The following ANAPC7 variants were observed in gnomAD, a reference collection of about 807,000 sequenced individuals.
ANAPC7 encodes anaphase-promoting complex subunit 7.
In ANAPC7, 25 loss-of-function variants were observed where a neutral mutation model predicts 63.3. That is an observed-to-expected ratio of 0.39 (90% CI 0.29 to 0.55). The LOEUF (loss-of-function observed/expected upper bound fraction) is 0.55, where lower values mean the gene tolerates loss of function less well. Ranked by LOEUF, ANAPC7 falls within the 20% of genes least tolerant of loss-of-function variation. ANAPC7 has a pLI of 0.57. For synonymous variants in ANAPC7, 241 were observed against 251.7 expected, an observed-to-expected ratio of 0.96 and a Z score of 0.40; for missense variants, 516 against 691.7, an observed-to-expected ratio of 0.75 and a Z score of 2.85.
intron 1 of ANAPC7, among the ~76,000 whole-genome samples, chr12:110,396,823 C>T (rs2062146615): frequency 6.6e-6 from 1 of 151,880 alleles, no homozygotes; most frequent in Admixed American, 6.6e-5. Flanking sequence ...CCACCAGGCC[C>T]TTTTAACAGT....
intron 3 of ANAPC7, among the ~76,000 whole-genome samples, chr12:110,389,040 C>T (rs1438612865): frequency 1.3e-5 from 2 of 149,622 alleles, no homozygotes; most frequent in African/African-American, 4.9e-5. Context: ...CGACATCACG[C>T]CACTGCACTC....
At chr12:110,390,557 C>T (rs1033742735) in intron 3 of ANAPC7, among the ~76,000 whole-genome samples, 1 of 152,010 alleles carries the variant, frequency 6.6e-6, no homozygotes, top group African/African-American at 2.4e-5. Context: ...CAATTATAGA[C>T]CTACATTATA....
At chr12:110,391,750 T>C (rs747435205) in intron 3 of ANAPC7, among the ~76,000 whole-genome samples, 9 of 152,198 alleles carry the variant, frequency 5.9e-5, no homozygotes, top group Non-Finnish European at 1.0e-4. Context: ...AAGGAGATTA[T>C]GGTATATTTC....
chr12:110,377,949 T>C (rs1316749064), intron 8 of ANAPC7: 2 of 551,232 alleles, frequency 3.6e-6, no homozygotes, highest in Non-Finnish European at 5.4e-6. Context: ...TAGTCTGTCA[T>C]ATGGCCAAGA....
chr12:110,396,931 C>T (rs1461414694), intron 1 of ANAPC7, among the ~76,000 whole-genome samples: 3 of 151,182 alleles, frequency 2.0e-5, no homozygotes, highest in Non-Finnish European at 2.9e-5. Flanking sequence ...AGGCTGGGTG[C>T]GGTGGCTTAC....
intron 1 of ANAPC7, among the ~76,000 whole-genome samples, chr12:110,401,139 C>T (rs777275120): frequency 1.3e-5 from 2 of 152,182 alleles, no homozygotes; most frequent in Admixed American, 6.5e-5. Flanking sequence ...AGGACTTTTC[C>T]CTTCTGACCT....
chr12:110,383,220 C>T lies in ANAPC7; in HGVS notation c.818-260G>A, dbSNP rs1038406382. 10 of 331,972 alleles carry T rather than the reference C, an allele frequency of 3.0e-5. 1 individual carries two copies. The Middle Eastern group carries it at 2.6e-3, about 86-fold the overall frequency. The allele number at this position is 331,972 out of a possible 1,614,324, so 20.6% of individuals were successfully genotyped here. Reference sequence around the variant, plus strand: ...TTAAGAAGCCGAGGCAGGTGGATCACGAGGTCAGGAGATCGAGACCATCCT... The same window carrying T: ...TTAAGAAGCCGAGGCAGGTGGATCATGAGGTCAGGAGATCGAGACCATCCT... On this transcript the variant is annotated intron_variant, in intron 6 of 10. Coordinates refer to ENST00000455511, the MANE Select transcript of ANAPC7 (RefSeq NM_016238.3).
chr12:110,403,438 T>G, intron 1 of ANAPC7, 89 bp downstream of exon 1: 3 of 1,433,472 alleles, frequency 2.1e-6, no homozygotes, highest in Non-Finnish European at 2.8e-6. Flanking sequence ...GGCCGCTCCT[T>G]CCCGCCTGTT....
rs181145437 is a variant in ANAPC7, at chr12:110,381,112, T to A, written c.1132+640A>T. Among the ~76,000 whole-genome samples the A allele has an allele frequency of 2.2e-3, 313 of 142,522 alleles. 2 individuals carry two copies. The highest frequency in any genetic ancestry group is 0.01 in the Admixed American group (148 of 14,396). The allele number at this position is 142,522 out of a possible 152,430, so 93.5% of individuals were successfully genotyped here. The stretch of plus-strand genomic sequence containing the variant: ...CCCTCACCAAAAACCAGAAAAAAAA[T>A]CAGAAAAAATGGATTATGAAAGTAT... On this transcript the variant is annotated intron_variant, in intron 8 of 10. Transcript: ENST00000455511.
rs545514654 is a variant in ANAPC7, at chr12:110,395,780, C to T, written c.288+486G>A. Among the ~76,000 whole-genome samples the T allele has an allele frequency of 2.0e-3, 310 of 152,258 alleles. 1 individual carries two copies. Among genetic ancestry groups the T allele is most frequent in the African/African-American group, 7.1e-3 (296 of 41,566 alleles). Reference sequence around the variant, plus strand: ...GTTTCAATCTCCTGACCTCGTGATCCGCCCGCCTAGGCCTCCCAAAGTGCT... The same window carrying T: ...GTTTCAATCTCCTGACCTCGTGATCTGCCCGCCTAGGCCTCCCAAAGTGCT... On this transcript the variant is annotated intron_variant, in intron 2 of 10. Transcript: ENST00000455511.
At chr12:110,374,896 CTGAG>C (rs1324523062) in intron 10 of ANAPC7, among the ~76,000 whole-genome samples, 2 of 152,150 alleles carry the variant, frequency 1.3e-5, no homozygotes, top group African/African-American at 4.8e-5. Context: ...CATTTAGCAG[CTGAG>C]TGTCAGTACA....
At chr12:110,387,950 C>A in intron 4 of ANAPC7, 58 bp from the exon 5 acceptor site, 1 of 1,581,220 alleles carries the variant, frequency 6.3e-7, no homozygotes. Flanking sequence ...CTTCCACATG[C>A]AAGGAGCAAC....
In ANAPC7 at chr12:110,374,095, A is replaced by G. The variant is rs770459872; in HGVS notation, c.*49T>C. The G allele has an allele frequency of 1.3e-6, 2 of 1,541,446 alleles. No homozygotes were observed. Among genetic ancestry groups the G allele is most frequent in the Admixed American group, 1.9e-5 (1 of 52,498 alleles). ...CTCCTACGGTTCCTTCAGTCCACGG[A>G]AGTGCTCAGAGCAGGGCAGGCCACT... is the stretch of plus-strand genomic sequence containing the variant. On this transcript the variant is annotated 3_prime_UTR_variant, in exon 11 of 11. Transcript: ENST00000455511.
chr12:110,377,608 T>C lies in ANAPC7; in HGVS notation c.1142A>G (p.Glu381Gly). ...CRLDCYEGLIECYLASNSIRE... is the reference protein window; with the variant it reads ...CRLDCYEGLIGCYLASNSIRE... The stretch of plus-strand genomic sequence containing the variant: ...AATACTGTTGGAGGCTAAGTAACAT[T>C]CGATAAGACCTGAAAAAAGTAAAAC... Residue 381 changes from glutamate (E) to glycine (G), a missense_variant, in exon 9 of 11, where the codon GAA (glutamate) becomes GGA (glycine). This residue lies in a region of ANAPC7 where 199 missense variants were observed against 249.3 expected (regional missense o/e 0.80). Coordinates refer to ENST00000455511, the MANE Select transcript of ANAPC7 (RefSeq NM_016238.3). The C allele has an allele frequency of 6.2e-7, 1 of 1,614,172 alleles. No individual in the cohort carries two copies. Among genetic ancestry groups the C allele is most frequent in the Non-Finnish European group, 8.5e-7 (1 of 1,180,018 alleles).
chr12:110,396,477 A>G, intron 1 of ANAPC7, 25 bp from the exon 2 acceptor site: 1 of 1,552,730 alleles, frequency 6.4e-7, no homozygotes, highest in Non-Finnish European at 8.7e-7. Flanking sequence ...AAAATGTAAT[A>G]CATCTTTTCC....
intron 3 of ANAPC7, among the ~76,000 whole-genome samples, chr12:110,392,856 C>T (rs1341736801): frequency 1.3e-5 from 2 of 152,022 alleles, no homozygotes; most frequent in Non-Finnish European, 2.9e-5. Flanking sequence ...AGTGCAATGG[C>T]ACCACGTCGG....
rs1882836161 is a variant in ANAPC7, at chr12:110,388,782, A to C, written c.409-159T>G. Among the ~76,000 whole-genome samples the C allele has an allele frequency of 2.0e-5, 3 of 152,142 alleles. No homozygotes were observed. The South Asian group carries it at 6.2e-4, about 31-fold the overall frequency. Reference sequence around the variant, plus strand: ...TAAAGGCAGACTGACCCCATTCTTCAAAAGAAAGAAGAAATTGGCCAGGTG... The same window carrying C: ...TAAAGGCAGACTGACCCCATTCTTCCAAAGAAAGAAGAAATTGGCCAGGTG... On this transcript the variant is annotated intron_variant, in intron 3 of 10. Transcript: ENST00000455511.
intron 7 of ANAPC7, among the ~76,000 whole-genome samples, chr12:110,382,368 T>C (rs750842457): frequency 1.0e-4 from 15 of 142,924 alleles, no homozygotes; most frequent in Non-Finnish European, 1.7e-4. Flanking sequence ...CAAATGAGAA[T>C]ACAGACCTAG....
At chr12:110,376,877 C>T (rs1289437377) in intron 9 of ANAPC7, among the ~76,000 whole-genome samples, 1 of 151,952 alleles carries the variant, frequency 6.6e-6, no homozygotes, top group Non-Finnish European at 1.5e-5. Flanking sequence ...AATCCCACCA[C>T]TTTGGGAGGC....
Sources: allele counts gnomAD v4.1 joint callset (sites outside exome capture counted in the v4.1 genomes callset), GRCh38; gene constraint gnomAD v4.1.1; regional missense constraint gnomAD v4.1.1; transcripts MANE v1.5; gene names NCBI Gene and HGNC (gene_info 2026-07-23, HGNC 2026-07-21).